Variants in STXBP5 observed in about 807,000 individuals in gnomAD.
STXBP5 encodes the protein syntaxin-binding protein 5.
STXBP5 carries 50 observed loss-of-function variants against 152.4 expected under a neutral mutation model. The ratio of observed to expected loss-of-function variants is 0.33; its 90% confidence interval spans 0.26 to 0.42. STXBP5 has a LOEUF of 0.42. Among genes scored for constraint, STXBP5 ranks in the 10% least tolerant of loss-of-function variants. The pLI is 1.00. For missense variants in STXBP5, 1,167 were observed against 1,388.6 expected, an observed-to-expected ratio of 0.84 and a Z score of 2.54; for synonymous variants, 492 against 494.7, an observed-to-expected ratio of 0.99 and a Z score of 0.07.
Position 147,314,301 on chromosome 6 carries a change from C to G in STXBP5, c.1331C>G (p.Ala444Gly). ...AACGGAGGTAATTGGGGCTTGGGTG[C>G]TCAAAGTTACCCAGAAATAATTATT... is the stretch of plus-strand genomic sequence containing the variant. ...PINGGNWGLG[A>G]QSYPEIIITG... The change falls in exon 13 of 28, where the codon GCT becomes GGT. Residue 444 changes from alanine to glycine, a missense_variant. Coordinates refer to ENST00000321680, the MANE Select transcript of STXBP5 (RefSeq NM_001127715.4). 6.2e-7 allele frequency: 1 copy of G among 1,612,566 alleles called. No homozygotes were observed. The highest frequency in any genetic ancestry group is 8.5e-7 in the Non-Finnish European group (1 of 1,178,874).
chr6:147,353,999 T>C (rs963386662), intron 22 of STXBP5, among the ~76,000 whole-genome samples: 2 of 152,182 alleles, frequency 1.3e-5, no homozygotes, highest in African/African-American at 4.8e-5. Context: ...TAAGATTTCA[T>C]GTAATACATA....
rs1431517433 is a variant in STXBP5, at chr6:147,337,093, C to T, written c.2147-2086C>T. ...ATGAAGGGAAAGACTTTCATTTGAT[C>T]CTTACATCAAAGAACTTATATTGCT... On this transcript the variant is annotated intron_variant, in intron 19 of 27. Transcript: ENST00000321680. Among the ~76,000 whole-genome samples the T allele has an allele frequency of 2.0e-5, 3 of 151,466 alleles. No individual in the cohort carries two copies. In the East Asian group the frequency reaches 5.8e-4, roughly 30 times the overall value.
intron 8 of STXBP5, among the ~76,000 whole-genome samples, chr6:147,279,281 A>C (rs1484945903): frequency 6.6e-6 from 1 of 152,152 alleles, no homozygotes; most frequent in African/African-American, 2.4e-5. Context: ...TTTCTTTATT[A>C]ATCTTCATTC....
At chr6:147,234,771 CGTT>C (rs1296693771) in intron 2 of STXBP5, among the ~76,000 whole-genome samples, 2 of 151,704 alleles carry the variant, frequency 1.3e-5, no homozygotes, top group Non-Finnish European at 2.9e-5. Context: ...ATATTTTTAG[CGTT>C]ACTTAAAAAT....
chr6:147,227,296 T>C (rs1286944893), intron 2 of STXBP5, among the ~76,000 whole-genome samples: 1 of 152,178 alleles, frequency 6.6e-6, no homozygotes, highest in African/African-American at 2.4e-5. Flanking sequence ...CAAAGGCATA[T>C]ACATGGTGTA....
intron 7 of STXBP5, among the ~76,000 whole-genome samples, chr6:147,272,204 C>A (rs1489412436): frequency 6.6e-6 from 1 of 152,142 alleles, no homozygotes. Context: ...TGTACTTAGA[C>A]TCTTCTTAAA....
rs1230851174 is a variant in STXBP5, at chr6:147,388,212, A to G, written c.*3457A>G. The stretch of plus-strand genomic sequence containing the variant: ...CATTGCTCAGTTTAAACCAAGTGAT[A>G]CATGTGTATAAAACATACCAAAATC... On this transcript the variant is annotated 3_prime_UTR_variant, in exon 28 of 28. Transcript: ENST00000321680. 2 of 151,804 alleles carry G rather than the reference A, an allele frequency of 1.3e-5. No individual in the cohort carries two copies. Among genetic ancestry groups the G allele is most frequent in the African/African-American group, 4.8e-5 (2 of 41,436 alleles). 9.4% of individuals were successfully genotyped at this position (151,804 alleles called of 1,614,324 possible).
In STXBP5 at chr6:147,384,951, A is replaced by G. The variant is rs1786270837; in HGVS notation, c.*196A>G. ...TTCACACGCACTCGAAATGGAGTAT[A>G]TGGTGTGTGCCAGTTATGAGTTGAC... On this transcript the variant is annotated 3_prime_UTR_variant, in exon 28 of 28. Transcript: ENST00000321680. 1 of 597,130 alleles carries G rather than the reference A, an allele frequency of 1.7e-6. No individual in the cohort carries two copies. The highest frequency in any genetic ancestry group is 3.0e-6 in the Non-Finnish European group (1 of 332,240). 37.0% of individuals were successfully genotyped at this position (597,130 alleles called of 1,614,324 possible).
intron 8 of STXBP5, among the ~76,000 whole-genome samples, chr6:147,281,466 T>C (rs1314662027): frequency 6.6e-6 from 1 of 152,264 alleles, no homozygotes; most frequent in East Asian, 1.9e-4. Context: ...ATTTTCATTA[T>C]ATTAACTGTT....
intron 4 of STXBP5, among the ~76,000 whole-genome samples, chr6:147,257,657 A>G (rs1779436543): frequency 6.6e-6 from 1 of 152,218 alleles, no homozygotes; most frequent in Admixed American, 6.5e-5. Context: ...TTCATGAAAC[A>G]TACACTGTTT....
chr6:147,222,892 T>G (rs1777529490), intron 2 of STXBP5, among the ~76,000 whole-genome samples: 1 of 152,244 alleles, frequency 6.6e-6, no homozygotes. Flanking sequence ...CGGCTATTCC[T>G]CAGTTACAGT....
chr6:147,210,571 A>T (rs112672345), intron 2 of STXBP5, among the ~76,000 whole-genome samples: 2,690 of 152,262 alleles, frequency 0.018, 33 homozygotes, highest in Middle Eastern at 0.034. Flanking sequence ...GATATTTAAT[A>T]TCCCCGTCTC....
chr6:147,373,384 A>C (rs986225435), intron 25 of STXBP5, among the ~76,000 whole-genome samples: 30 of 151,908 alleles, frequency 2.0e-4, no homozygotes, highest in African/African-American at 6.8e-4. Context: ...AAAAAAAAAA[A>C]AAAACTTCTT....
intron 8 of STXBP5, among the ~76,000 whole-genome samples, chr6:147,287,051 ATT>A (rs1781000816): frequency 1.3e-5 from 2 of 151,204 alleles, no homozygotes; most frequent in Non-Finnish European, 2.9e-5. Flanking sequence ...AGATATATAT[ATT>A]TATGAGGTAC....
intron 4 of STXBP5, among the ~76,000 whole-genome samples, chr6:147,245,156 T>G (rs1244416832): frequency 6.6e-6 from 1 of 151,920 alleles, no homozygotes; most frequent in Non-Finnish European, 1.5e-5. Flanking sequence ...GCCCGGCTAA[T>G]TTTTCTTTGA....
intron 9 of STXBP5, among the ~76,000 whole-genome samples, chr6:147,306,445 G>A (rs1197951947): frequency 3.3e-5 from 5 of 152,202 alleles, no homozygotes; most frequent in African/African-American, 9.6e-5. Context: ...AGGAGGAACA[G>A]GAACTGACTA....
rs959622662 is a variant in STXBP5 at position 147,389,986 on chromosome 6, T to C, written c.*5231T>C. 2.0e-5 allele frequency: 3 copies of C among 151,962 alleles called. No individual in the cohort carries two copies. The highest frequency in any genetic ancestry group is 2.9e-5 in the Non-Finnish European group (2 of 67,902). 9.4% of individuals were successfully genotyped at this position (151,962 alleles called of 1,614,324 possible). A position where few individuals can be genotyped will look rare whatever the true frequency, so the allele number is the denominator to read the frequency against. On this transcript the variant is annotated 3_prime_UTR_variant, in exon 28 of 28. Coordinates refer to ENST00000321680, the MANE Select transcript of STXBP5 (RefSeq NM_001127715.4). ...AAAGACAATATGAAAAAGAGCAAGATTAAGTTTTTCTAACATTGTCCACTT... is the reference window on the plus strand; with the variant it reads ...AAAGACAATATGAAAAAGAGCAAGACTAAGTTTTTCTAACATTGTCCACTT...
chr6:147,373,979 C>G, intron 26 of STXBP5, 137 bp downstream of exon 26: 1 of 569,804 alleles, frequency 1.8e-6, no homozygotes, highest in Non-Finnish European at 3.1e-6. Flanking sequence ...TAACAAAATA[C>G]ATAAAATTAT....
At chr6:147,282,799 A>C (rs1475565829) in intron 8 of STXBP5, among the ~76,000 whole-genome samples, 1 of 152,156 alleles carries the variant, frequency 6.6e-6, no homozygotes, top group South Asian at 2.1e-4. Context: ...CCTGTAGCGC[A>C]GGGTTGAGGG....
Sources: allele counts gnomAD v4.1 joint callset (sites outside exome capture counted in the v4.1 genomes callset), GRCh38; gene constraint gnomAD v4.1.1; transcripts MANE v1.5; gene names NCBI Gene and HGNC (gene_info 2026-07-23, HGNC 2026-07-21).